GRIK1: variants seen among roughly 807,000 people sequenced by gnomAD.
The protein encoded by GRIK1 is glutamate ionotropic receptor kainate type subunit 1.
In GRIK1, 69 loss-of-function variants were observed where a neutral mutation model predicts 105.7. The ratio of observed to expected loss-of-function variants is 0.65; its 90% CI spans 0.54 to 0.80. The LOEUF (loss-of-function observed/expected upper bound fraction) is 0.80. Among genes scored for constraint, GRIK1 ranks in the 30% least tolerant of loss-of-function variants. The pLI, the probability that GRIK1 is intolerant of heterozygous loss-of-function variation, is 0.00. For synonymous variants in GRIK1, 438 were observed against 431.3 expected, an observed-to-expected ratio of 1.02 and a Z score of -0.19; for missense variants, 1,109 against 1,167.3, an observed-to-expected ratio of 0.95 and a Z score of 0.73.
intron 1 of GRIK1, among the ~76,000 whole-genome samples, chr21:29,882,031 G>A (rs1250797094): frequency 1.3e-5 from 2 of 152,072 alleles, no homozygotes; most frequent in African/African-American, 2.4e-5. Flanking sequence ...GAGAACAGAT[G>A]GTTGGGGTAA....
At chr21:29,608,159 T>C (rs1045900913) in intron 7 of GRIK1, among the ~76,000 whole-genome samples, 2 of 152,136 alleles carry the variant, frequency 1.3e-5, no homozygotes, top group African/African-American at 4.8e-5. Context: ...CTTAGAGTCA[T>C]GTTAATGAGC....
chr21:29,718,876 C>G (rs1319730376), intron 1 of GRIK1, among the ~76,000 whole-genome samples: 2 of 152,144 alleles, frequency 1.3e-5, no homozygotes, highest in African/African-American at 4.8e-5. Context: ...CAAAGACACC[C>G]TTTAGTGTTC....
chr21:29,702,728 A>G (rs1018224358), intron 1 of GRIK1, among the ~76,000 whole-genome samples: 2 of 152,120 alleles, frequency 1.3e-5, no homozygotes, highest in African/African-American at 4.8e-5. Flanking sequence ...AAACAAGAAA[A>G]CAAACAAAAA....
chr21:29,769,196 T>C (rs2065750320), intron 1 of GRIK1, among the ~76,000 whole-genome samples: 1 of 152,068 alleles, frequency 6.6e-6, no homozygotes, highest in Non-Finnish European at 1.5e-5. Flanking sequence ...CCTGAGAACA[T>C]GACTTTATTA....
At chr21:29,576,299 A>G (rs2090891890) in intron 14 of GRIK1, among the ~76,000 whole-genome samples, 1 of 152,202 alleles carries the variant, frequency 6.6e-6, no homozygotes, top group African/African-American at 2.4e-5. Context: ...GTAAGTAATT[A>G]AAAAGACCTC....
Position 29,741,998 on chromosome 21 carries a change from A to T in GRIK1, c.119-47935T>A, listed in dbSNP as rs540650395. The stretch of plus-strand genomic sequence containing the variant: ...GAATATTTAATCATGGAGAAGGTAC[A>T]ATGGCCTCATTTACAGTGATACATC... On this transcript the variant is annotated intron_variant, in intron 1 of 17. Coordinates refer to ENST00000327783, the MANE Select transcript of GRIK1 (RefSeq NM_001330994.2). 2.0e-5 allele frequency among the ~76,000 whole-genome samples: 3 copies of T among 152,356 alleles called. No homozygotes were observed. The South Asian group carries it at 6.2e-4, about 32-fold the overall frequency.
At chr21:29,931,264 G>C (rs1417280873) in intron 1 of GRIK1, among the ~76,000 whole-genome samples, 2 of 152,018 alleles carry the variant, frequency 1.3e-5, no homozygotes, top group African/African-American at 2.4e-5. Context: ...ATCTTCTTAG[G>C]CTTATCTTGG....
At chr21:29,747,510 AAGAT>A (rs1223862476) in intron 1 of GRIK1, among the ~76,000 whole-genome samples, 1 of 67,860 alleles carries the variant, frequency 1.5e-5, no homozygotes, top group African/African-American at 3.6e-5. Context: ...TGGTTGAAGA[AAGAT>A]AGTATCAGTT....
rs117386511 is a variant in GRIK1, at chr21:29,622,243, G to A, written c.1098+20583C>T. Among the ~76,000 whole-genome samples, 1,149 of 152,152 alleles carry A rather than the reference G, an allele frequency of 7.6e-3. 10 individuals carry two copies. The highest frequency in any genetic ancestry group is 0.013 in the Non-Finnish European group (858 of 67,996). ...ATTACAGGCTTGAGCCACCACGCCC[G>A]GCCTCTAAGAATATTTTCTTGCTCA... On this transcript the variant is annotated intron_variant, in intron 7 of 17. Transcript: ENST00000327783.
chr21:29,793,479 C>A (rs1372000089), intron 1 of GRIK1, among the ~76,000 whole-genome samples: 1 of 151,904 alleles, frequency 6.6e-6, no homozygotes, highest in Admixed American at 6.6e-5. Flanking sequence ...CTCCCACCCC[C>A]TACCCTGCCC....
chr21:29,846,906 T>C (rs897168031), intron 1 of GRIK1, among the ~76,000 whole-genome samples: 1 of 152,210 alleles, frequency 6.6e-6, no homozygotes, highest in Non-Finnish European at 1.5e-5. Context: ...TGTATATGTG[T>C]ATGCATGTGT....
At chr21:29,656,405 G>T (rs546903401) in intron 4 of GRIK1, among the ~76,000 whole-genome samples, 3 of 103,274 alleles carry the variant, frequency 2.9e-5, no homozygotes, top group Non-Finnish European at 6.0e-5. Flanking sequence ...GAAGAGAGAA[G>T]ACTTAGAAAT....
intron 3 of GRIK1, among the ~76,000 whole-genome samples, chr21:29,685,163 C>T (rs1427700924): frequency 6.6e-6 from 1 of 152,076 alleles, no homozygotes. Context: ...CTAAACAAAG[C>T]AATCTTTTTT....
chr21:29,672,923 T>G, intron 4 of GRIK1, 60 bp downstream of exon 4: 1 of 1,284,044 alleles, frequency 7.8e-7, no homozygotes. Context: ...TAGATGGCAT[T>G]TTTGAAAAAT....
intron 2 of GRIK1, among the ~76,000 whole-genome samples, chr21:29,692,737 A>C (rs531238649): frequency 6.6e-6 from 1 of 151,872 alleles, no homozygotes; most frequent in Non-Finnish European, 1.5e-5. Flanking sequence ...ATGCCCGGCT[A>C]CTTTTTTTTG....
Position 29,552,083 on chromosome 21 carries a change from G to T in GRIK1, c.2607+2969C>A, listed in dbSNP as rs114323499. Among the ~76,000 whole-genome samples, 1,252 of 152,200 alleles carry T rather than the reference G, an allele frequency of 8.2e-3. 21 individuals carry two copies. Among genetic ancestry groups the T allele is most frequent in the African/African-American group, 0.028 (1,183 of 41,550 alleles). On this transcript the variant is annotated intron_variant, in intron 16 of 17. Transcript: ENST00000327783. ...TCAACTAGTCAACTTTCCTGAATAT[G>T]CTTTACTGGAGAAATATACAGTTGA... is the stretch of plus-strand genomic sequence containing the variant.
At position 29,905,619 on chromosome 21, in the gene GRIK1, A is replaced by ATTTTTTTT. The variant is rs869179451; in HGVS notation, c.118+33756_118+33763dup. Among the ~76,000 whole-genome samples, 253 of 72,554 alleles carry ATTTTTTTT rather than the reference A, an allele frequency of 3.5e-3. 1 individual carries two copies. The highest frequency in any genetic ancestry group is 4.3e-3 in the Non-Finnish European group (173 of 39,862). The allele number at this position is 72,554 out of a possible 152,430, so 47.6% of individuals were successfully genotyped here. On this transcript the variant is annotated intron_variant, in intron 1 of 17. Transcript: ENST00000327783. ...CACCATCATGCCCAGCAAATTTTGT[A>ATTTTTTTT]TTTTTTTTTTTTTTTTTTTTTTTTT...
At chr21:29,830,874 T>G (rs565759269) in intron 1 of GRIK1, among the ~76,000 whole-genome samples, 6 of 152,254 alleles carry the variant, frequency 3.9e-5, no homozygotes, top group Non-Finnish European at 5.9e-5. Flanking sequence ...TTCAAGGTGA[T>G]GAAATAGTGC....
At chr21:29,900,459 C>CAAAAAAAAA (rs746842761) in intron 1 of GRIK1, among the ~76,000 whole-genome samples, 1,861 of 77,472 alleles carry the variant, frequency 0.024, 112 homozygotes, top group African/African-American at 0.034. Flanking sequence ...AAATGGAAAG[C>CAAAAAAAAA]AAGAAAAAAA....
Sources: allele counts gnomAD v4.1 joint callset (sites outside exome capture counted in the v4.1 genomes callset), GRCh38; gene constraint gnomAD v4.1.1; transcripts MANE v1.5; gene names NCBI Gene and HGNC (gene_info 2026-07-23, HGNC 2026-07-21).